Variants in BCKDHB observed in about 807,000 individuals in gnomAD.
The protein encoded by BCKDHB is 2-oxoisovalerate dehydrogenase subunit beta, mitochondrial.
A neutral mutation model predicts 48.5 loss-of-function variants in BCKDHB; 41 were observed. The observed-to-expected ratio is 0.85, with a 90% CI of 0.66 to 1.10. The LOEUF (loss-of-function observed/expected upper bound fraction) is 1.10. BCKDHB is among the 50% of genes least tolerant of loss of function. The pLI is 0.00. For missense variants in BCKDHB, 496 were observed against 494.2 expected, an observed-to-expected ratio of 1.00 and a Z score of -0.03; for synonymous variants, 201 against 174.8, an observed-to-expected ratio of 1.15 and a Z score of -1.18.
At chr6:80,359,586 C>T in the BCKDHB span, among the ~76,000 whole-genome samples, 28,064 of 151,944 alleles carry the variant, frequency 0.18, 3,832 homozygotes, top group African/African-American at 0.38. Flanking sequence ...ACGCTTGTTT[C>T]TTATTGTTGT....
At chr6:80,365,095 G>T in the BCKDHB span, among the ~76,000 whole-genome samples, 1 of 151,542 alleles carries the variant, frequency 6.6e-6, no homozygotes, top group Non-Finnish European at 1.5e-5. Flanking sequence ...TACTAATAAG[G>T]GTCTAACAAA....
At chr6:80,193,679 C>T (rs915362626) in intron 6 of BCKDHB, among the ~76,000 whole-genome samples, 2 of 148,830 alleles carry the variant, frequency 1.3e-5, no homozygotes, top group Non-Finnish European at 3.0e-5. Flanking sequence ...GGGACTGTGC[C>T]ACTGCACTCT....
At chr6:80,260,037 G>A (rs1777226765) in intron 8 of BCKDHB, among the ~76,000 whole-genome samples, 2 of 152,060 alleles carry the variant, frequency 1.3e-5, no homozygotes, top group South Asian at 4.2e-4. Context: ...TACTTTCATG[G>A]TATCACCTTT....
chr6:80,274,959 C>G (rs1777908881), intron 9 of BCKDHB, among the ~76,000 whole-genome samples: 1 of 151,886 alleles, frequency 6.6e-6, no homozygotes. Context: ...GTCACTATAA[C>G]TAACATAAAA....
intron 6 of BCKDHB, among the ~76,000 whole-genome samples, chr6:80,175,618 C>T (rs1403618646): frequency 1.3e-5 from 2 of 152,106 alleles, no homozygotes; most frequent in African/African-American, 2.4e-5. Context: ...CGAACAAGAA[C>T]TGGAAACAAC....
intron 6 of BCKDHB, among the ~76,000 whole-genome samples, chr6:80,196,867 A>T (rs1451554543): frequency 6.6e-6 from 1 of 152,192 alleles, no homozygotes; most frequent in Non-Finnish European, 1.5e-5. Context: ...TACAATATAC[A>T]TTAAAAAAAT....
intron 3 of BCKDHB, among the ~76,000 whole-genome samples, chr6:80,150,509 A>C (rs1479279684): frequency 6.6e-6 from 1 of 151,132 alleles, no homozygotes; most frequent in Non-Finnish European, 1.5e-5. Context: ...TATGAGTGAC[A>C]GTAGGAACCT....
At position 80,190,977 on chromosome 6, in the gene BCKDHB, A is replaced by T. The variant is rs558704560; in HGVS notation, c.743-9957A>T. Among the ~76,000 whole-genome samples, 14 of 152,164 alleles carry T rather than the reference A, an allele frequency of 9.2e-5. No individual in the cohort carries two copies. The East Asian group carries it at 1.2e-3, about 13-fold the overall frequency. On this transcript the variant is annotated intron_variant, in intron 6 of 9. Transcript: ENST00000320393. Reference sequence around the variant, plus strand: ...GTTGGTGGCAGGGCATTTAATAGGGATGGGTCTGCTCAGCAGCAGCCAATG... The same window carrying T: ...GTTGGTGGCAGGGCATTTAATAGGGTTGGGTCTGCTCAGCAGCAGCCAATG...
At chr6:80,328,231 G>A (rs372833868) in intron 9 of BCKDHB, among the ~76,000 whole-genome samples, 3 of 152,144 alleles carry the variant, frequency 2.0e-5, no homozygotes, top group South Asian at 2.1e-4. Flanking sequence ...TGCATGCTAC[G>A]ATATATTCTA....
the BCKDHB span, among the ~76,000 whole-genome samples, chr6:80,410,065 G>GT: frequency 6.6e-6 from 1 of 152,096 alleles, no homozygotes; most frequent in Non-Finnish European, 1.5e-5. Context: ...AATTTGGCAT[G>GT]TTTTTGCAGT....
intron 8 of BCKDHB, among the ~76,000 whole-genome samples, chr6:80,209,884 G>A (rs1452756734): frequency 2.0e-5 from 3 of 151,862 alleles, no homozygotes; most frequent in Non-Finnish European, 2.9e-5. Context: ...GAAACTCAAG[G>A]AAACTTATAT....
the BCKDHB span, among the ~76,000 whole-genome samples, chr6:80,387,020 CTG>C: frequency 6.6e-6 from 1 of 152,140 alleles, no homozygotes; most frequent in East Asian, 1.9e-4. Flanking sequence ...ACAAGGGTAA[CTG>C]TGCATTGGGT....
chr6:80,200,545 A>T (rs548166467), intron 6 of BCKDHB, among the ~76,000 whole-genome samples: 19 of 152,212 alleles, frequency 1.2e-4, no homozygotes, highest in Non-Finnish European at 2.8e-4. Context: ...GTATGAACAT[A>T]GTACAAAGTT....
chr6:80,195,432 AG>A (rs1484981523), intron 6 of BCKDHB, among the ~76,000 whole-genome samples: 1 of 152,208 alleles, frequency 6.6e-6, no homozygotes, highest in East Asian at 1.9e-4. Flanking sequence ...TGTCAAAAAA[AG>A]ACTGATTAAT....
intron 3 of BCKDHB, among the ~76,000 whole-genome samples, chr6:80,162,731 A>G (rs1772378059): frequency 6.6e-6 from 1 of 152,030 alleles, no homozygotes; most frequent in Admixed American, 6.5e-5. Context: ...GGCGCCTGTA[A>G]TCCCAGCTAC....
chr6:80,196,389 G>A lies in BCKDHB; in HGVS notation c.743-4545G>A, dbSNP rs138329005. On this transcript the variant is annotated intron_variant, in intron 6 of 9. Coordinates refer to ENST00000320393, the MANE Select transcript of BCKDHB (RefSeq NM_183050.4). ...AAGACCCACAGCAGTTGTATCCTCC[G>A]TGATGAAACCTATCCCTGTAACCGA... Among the ~76,000 whole-genome samples, 8 of 152,112 alleles carry A rather than the reference G, an allele frequency of 5.3e-5. No individual in the cohort carries two copies. In the East Asian group the frequency reaches 5.8e-4, roughly 11 times the overall value.
At position 80,167,825 on chromosome 6, in the gene BCKDHB, C is replaced by CAA; in HGVS notation, c.477+15_477+16insAA. 1.2e-6 allele frequency: 2 copies of CAA among 1,612,432 alleles called. No individual in the cohort carries two copies. The highest frequency in any genetic ancestry group is 1.7e-6 in the Non-Finnish European group (2 of 1,178,850). On this transcript the variant is annotated intron_variant, in intron 4 of 9. Transcript: ENST00000320393. ...GCATTTGATCAGGTAAGTGAATGAA[C>CAA]ATTTCTAAGGTTGTTCATTCATTGA...
the BCKDHB span, among the ~76,000 whole-genome samples, chr6:80,377,724 ATGT>A: frequency 2.0e-5 from 3 of 152,164 alleles, no homozygotes; most frequent in Non-Finnish European, 4.4e-5. Flanking sequence ...TAATGTTTTG[ATGT>A]TGTTGTTTTG....
chr6:80,381,195 AT>A, the BCKDHB span, among the ~76,000 whole-genome samples: 1 of 150,528 alleles, frequency 6.6e-6, no homozygotes, highest in African/African-American at 2.4e-5. Flanking sequence ...TTATTCTCAC[AT>A]TTTTTTTTCT....
Sources: allele counts gnomAD v4.1 joint callset (sites outside exome capture counted in the v4.1 genomes callset), GRCh38; gene constraint gnomAD v4.1.1; transcripts MANE v1.5; gene names NCBI Gene and HGNC (gene_info 2026-07-23, HGNC 2026-07-21).